CCDC148: variants seen among roughly 807,000 people sequenced by gnomAD.
CCDC148 encodes coiled-coil domain containing 148.
CCDC148 carries 89 observed loss-of-function variants against 85.7 expected under a neutral mutation model. The observed-to-expected ratio is 1.04, with a 90% CI of 0.87 to 1.24. CCDC148 has a LOEUF of 1.24. Among genes scored for constraint, CCDC148 ranks in the 50% most tolerant of loss-of-function variants. CCDC148 has a pLI of 0.00. For synonymous variants in CCDC148, 230 were observed against 213.9 expected (o/e 1.08, Z -0.66); for missense variants, 692 against 671.7 (o/e 1.03, Z -0.33).
chr2:158,271,716 T>C (rs533977306), intron 9 of CCDC148, among the ~76,000 whole-genome samples: 81 of 152,330 alleles, frequency 5.3e-4, no homozygotes, highest in Non-Finnish European at 1.0e-3. Flanking sequence ...ATAATATAAA[T>C]ACAGAATTTG....
intron 9 of CCDC148, among the ~76,000 whole-genome samples, chr2:158,261,087 C>A (rs2105152056): frequency 6.6e-6 from 1 of 152,118 alleles, no homozygotes. Flanking sequence ...ACAAACAAAG[C>A]TGGAGGCATT....
At chr2:158,184,659 G>C (rs1685070715) in intron 11 of CCDC148, among the ~76,000 whole-genome samples, 1 of 151,998 alleles carries the variant, frequency 6.6e-6, no homozygotes, top group Non-Finnish European at 1.5e-5. Flanking sequence ...CCAAGGCCTC[G>C]CTCCAGAATA....
intron 1 of CCDC148, among the ~76,000 whole-genome samples, chr2:158,455,286 A>C (rs1330826570): frequency 6.6e-6 from 1 of 152,098 alleles, no homozygotes; most frequent in Non-Finnish European, 1.5e-5. Flanking sequence ...CTCAATTCTG[A>C]AAATATTTAG....
At chr2:158,438,532 AC>A (rs1348499908) in intron 1 of CCDC148, among the ~76,000 whole-genome samples, 2 of 152,152 alleles carry the variant, frequency 1.3e-5, no homozygotes, top group Non-Finnish European at 2.9e-5. Flanking sequence ...CTAGAAGAAA[AC>A]CTAGGCAATA....
chr2:158,425,820 T>C (rs1466104550), intron 1 of CCDC148, among the ~76,000 whole-genome samples: 5 of 152,136 alleles, frequency 3.3e-5, no homozygotes, highest in Non-Finnish European at 7.4e-5. Flanking sequence ...ATGATGTTTT[T>C]CCCCTCTGGA....
chr2:158,224,826 C>G (rs1340710764), intron 10 of CCDC148, among the ~76,000 whole-genome samples: 1 of 152,118 alleles, frequency 6.6e-6, no homozygotes, highest in African/African-American at 2.4e-5. Flanking sequence ...AAAGGAACAA[C>G]CGGTACCAGC....
At chr2:158,217,913 GA>G (rs1350786707) in intron 11 of CCDC148, among the ~76,000 whole-genome samples, 8 of 152,130 alleles carry the variant, frequency 5.3e-5, no homozygotes. Flanking sequence ...CAGTAGTACA[GA>G]AAAATGTTTT....
At chr2:158,347,897 CAT>C (rs1683073716) in intron 2 of CCDC148, among the ~76,000 whole-genome samples, 1 of 151,928 alleles carries the variant, frequency 6.6e-6, no homozygotes, top group Non-Finnish European at 1.5e-5. Flanking sequence ...GAACTGTTAA[CAT>C]AAATAAAAAG....
In CCDC148 at chr2:158,338,996, A is replaced by T; in HGVS notation, c.576T>A (p.Ser192Arg). 7.4e-6 allele frequency: 12 copies of T among 1,612,776 alleles called. No homozygotes were observed. Among genetic ancestry groups the T allele is most frequent in the Non-Finnish European group, 9.3e-6 (11 of 1,179,048 alleles). Residue 192 changes from serine to arginine, a missense_variant, in exon 6 of 14, where the codon AGT becomes AGA. Ser to Arg is a moderately radical substitution (Grantham distance 110). Transcript: ENST00000283233. ...QRIENDLSDW[S>R]IKILDHSLEE... ...TTAGCCACATCACACTTACCTTTATACTCCAGTCTGAAAGATCATTTTCTA... is the reference window on the plus strand; with the variant it reads ...TTAGCCACATCACACTTACCTTTATTCTCCAGTCTGAAAGATCATTTTCTA...
chr2:158,371,310 A>T (rs1684431041), intron 1 of CCDC148, among the ~76,000 whole-genome samples: 1 of 152,064 alleles, frequency 6.6e-6, no homozygotes, highest in Non-Finnish European at 1.5e-5. Flanking sequence ...TTAACATTAG[A>T]ATATTCACCA....
At chr2:158,300,466 G>A (rs1455159860) in intron 9 of CCDC148, among the ~76,000 whole-genome samples, 1 of 152,182 alleles carries the variant, frequency 6.6e-6, no homozygotes, top group Admixed American at 6.5e-5. Context: ...AGGAGTTAGG[G>A]AGAACAAAGA....
chr2:158,317,631 T>C (rs994052771), intron 7 of CCDC148, among the ~76,000 whole-genome samples: 3 of 152,230 alleles, frequency 2.0e-5, no homozygotes, highest in Admixed American at 1.3e-4. Context: ...GTGGTCCTCA[T>C]AGCCATGTTT....
intron 1 of CCDC148, among the ~76,000 whole-genome samples, chr2:158,377,181 A>C (rs982584559): frequency 1.3e-5 from 2 of 151,842 alleles, no homozygotes; most frequent in Non-Finnish European, 2.9e-5. Context: ...GTCTATGAAA[A>C]CTAGGGGAAG....
At chr2:158,281,457 C>T (rs1267486839) in intron 9 of CCDC148, among the ~76,000 whole-genome samples, 1 of 152,054 alleles carries the variant, frequency 6.6e-6, no homozygotes, top group Non-Finnish European at 1.5e-5. Context: ...CACCACCGAT[C>T]CCACAGAAAT....
chr2:158,336,904 A>T (rs1682417362), intron 7 of CCDC148, among the ~76,000 whole-genome samples: 1 of 152,112 alleles, frequency 6.6e-6, no homozygotes, highest in Admixed American at 6.6e-5. Flanking sequence ...CCCCTTCTTC[A>T]AACTCCATAG....
At chr2:158,280,325 G>C (rs1419244981) in intron 9 of CCDC148, among the ~76,000 whole-genome samples, 1 of 152,134 alleles carries the variant, frequency 6.6e-6, no homozygotes, top group South Asian at 2.1e-4. Flanking sequence ...AAAAGACACA[G>C]ACTGGCAAAT....
At chr2:158,418,618 T>C (rs963129606) in intron 1 of CCDC148, among the ~76,000 whole-genome samples, 2 of 151,726 alleles carry the variant, frequency 1.3e-5, no homozygotes, top group African/African-American at 4.8e-5. Flanking sequence ...TACCAGATCT[T>C]ATGTGACAAT....
intron 11 of CCDC148, among the ~76,000 whole-genome samples, chr2:158,208,194 C>T (rs1686353709): frequency 6.6e-6 from 1 of 152,064 alleles, no homozygotes; most frequent in East Asian, 1.9e-4. Context: ...TAAGTTTATT[C>T]CCTTTGGGAA....
chr2:158,390,278 C>T (rs534530093), intron 1 of CCDC148, among the ~76,000 whole-genome samples: 3 of 152,048 alleles, frequency 2.0e-5, no homozygotes, highest in South Asian at 2.1e-4. Flanking sequence ...TCAGTCAAGA[C>T]AAAGGGATAG....
Sources: allele counts gnomAD v4.1 joint callset (sites outside exome capture counted in the v4.1 genomes callset), GRCh38; gene constraint gnomAD v4.1.1; transcripts MANE v1.5; gene names NCBI Gene and HGNC (gene_info 2026-07-23, HGNC 2026-07-21).